PDE4D: variants seen among roughly 807,000 people sequenced by gnomAD.
PDE4D encodes the protein 3',5'-cyclic-AMP phosphodiesterase 4D.
In PDE4D, 24 loss-of-function variants were observed where a neutral mutation model predicts 87.4. The ratio of observed to expected loss-of-function variants is 0.27; its 90% CI spans 0.20 to 0.39. The LOEUF (loss-of-function observed/expected upper bound fraction) is 0.39, where lower values mean the gene tolerates loss of function less well. Ranked by LOEUF, PDE4D falls within the 10% of genes least tolerant of loss-of-function variation. The probability of loss-of-function intolerance (pLI) is 1.00; values close to 1 mark genes in which losing one functional copy is unlikely to be tolerated. For missense variants in PDE4D, 714 were observed against 1,041.0 expected (o/e 0.69, Z 4.32); for synonymous variants, 384 against 383.2 (o/e 1.00, Z -0.02).
At chr5:60,298,204 A>G (rs997619814) in intron 1 of PDE4D, among the ~76,000 whole-genome samples, 4 of 152,188 alleles carry the variant, frequency 2.6e-5, no homozygotes, top group African/African-American at 9.6e-5. Flanking sequence ...AGGTACAGAA[A>G]ATTTATTTGC....
chr5:60,416,354 G>GT (rs1258512680), intron 1 of PDE4D, among the ~76,000 whole-genome samples: 3 of 152,280 alleles, frequency 2.0e-5, no homozygotes, highest in African/African-American at 4.8e-5. Flanking sequence ...TAGAAGCTTT[G>GT]TTTTTTCACT....
chr5:59,302,806 CCA>C (rs959562019), intron 1 of PDE4D, among the ~76,000 whole-genome samples: 2 of 152,136 alleles, frequency 1.3e-5, no homozygotes, highest in Non-Finnish European at 2.9e-5. Flanking sequence ...TGGGTTAGTT[CCA>C]CAGTTTTGCA....
At chr5:60,510,586 G>A (rs955904800) in intron 1 of PDE4D, among the ~76,000 whole-genome samples, 1 of 152,150 alleles carries the variant, frequency 6.6e-6, no homozygotes, top group Non-Finnish European at 1.5e-5. Context: ...TTAGTCCTAT[G>A]GCCGGAGTAT....
At chr5:59,904,042 T>C (rs1752561529) in intron 3 of PDE4D, among the ~76,000 whole-genome samples, 1 of 152,178 alleles carries the variant, frequency 6.6e-6, no homozygotes, top group South Asian at 2.1e-4. Flanking sequence ...GATAGGACTT[T>C]GCAGAAATTA....
chr5:60,314,475 G>A (rs1007179615), intron 1 of PDE4D, among the ~76,000 whole-genome samples: 3 of 151,882 alleles, frequency 2.0e-5, no homozygotes, highest in African/African-American at 7.3e-5. Context: ...CGGACAGTAT[G>A]ATTTTATTTT....
rs116351649 is a variant in PDE4D at position 59,087,148 on chromosome 5, C to T, written c.809-48177G>A. On this transcript the variant is annotated intron_variant, in intron 5 of 14. Coordinates refer to ENST00000340635, the MANE Select transcript of PDE4D (RefSeq NM_001104631.2). ...TAAATACAAAGCCAAAATGCAGGCACATTACGCAGAAAATGCCTGTTCTTG... is the reference window on the plus strand; with the variant it reads ...TAAATACAAAGCCAAAATGCAGGCATATTACGCAGAAAATGCCTGTTCTTG... Among the ~76,000 whole-genome samples, 1,099 of 152,206 alleles carry T rather than the reference C, an allele frequency of 7.2e-3. 13 individuals carry two copies. Among genetic ancestry groups the T allele is most frequent in the African/African-American group, 0.025 (1,051 of 41,512 alleles).
intron 2 of PDE4D, among the ~76,000 whole-genome samples, chr5:60,063,307 T>A (rs1308569111): frequency 6.6e-6 from 1 of 152,138 alleles, no homozygotes; most frequent in Non-Finnish European, 1.5e-5. Flanking sequence ...TATAAATATT[T>A]ATTGAGCAAA....
chr5:59,584,858 A>C (rs753162081), intron 1 of PDE4D, among the ~76,000 whole-genome samples: 3 of 152,232 alleles, frequency 2.0e-5, no homozygotes, highest in Non-Finnish European at 2.9e-5. Flanking sequence ...AGCCTAAGGC[A>C]TAGAAGAAAA....
intron 3 of PDE4D, among the ~76,000 whole-genome samples, chr5:59,901,144 C>A (rs757937613): frequency 3.9e-5 from 6 of 152,136 alleles, no homozygotes; most frequent in Non-Finnish European, 8.8e-5. Flanking sequence ...TAACTAAGGT[C>A]AGATACTTGC....
At chr5:60,445,932 C>T (rs1302009598) in intron 1 of PDE4D, among the ~76,000 whole-genome samples, 1 of 152,034 alleles carries the variant, frequency 6.6e-6, no homozygotes, top group Admixed American at 6.6e-5. Context: ...AACCTATAGA[C>T]ACATGGATTA....
chr5:59,649,402 C>T (rs940395571), intron 1 of PDE4D, among the ~76,000 whole-genome samples: 3 of 152,090 alleles, frequency 2.0e-5, no homozygotes, highest in South Asian at 2.1e-4. Flanking sequence ...AAGAAAAACA[C>T]GTCAGCAGGG....
chr5:59,440,882 C>G (rs1302274585), intron 1 of PDE4D, among the ~76,000 whole-genome samples: 2 of 152,138 alleles, frequency 1.3e-5, no homozygotes, highest in African/African-American at 4.8e-5. Context: ...GAAGGAAAAA[C>G]AAATATCTGG....
In PDE4D at chr5:60,464,188, C is replaced by T. The variant is rs566549979; in HGVS notation, c.-90+23754G>A. On this transcript the variant is annotated intron_variant, in intron 1 of 16. Transcript: ENST00000502484. The stretch of plus-strand genomic sequence containing the variant: ...TTTGTGAAAATGAACCAAGTGTTTT[C>T]AAAGGGAAAGAAACACTGCCAGCCT... Among the ~76,000 whole-genome samples the T allele has an allele frequency of 6.6e-5, 10 of 152,098 alleles. No homozygotes were observed. The South Asian group carries it at 1.0e-3, about 16-fold the overall frequency.
At chr5:59,843,236 T>G (rs1743302667) in intron 1 of PDE4D, among the ~76,000 whole-genome samples, 1 of 152,014 alleles carries the variant, frequency 6.6e-6, no homozygotes, top group Admixed American at 6.6e-5. Context: ...AAAATACGTA[T>G]TTCAAGAATT....
intron 2 of PDE4D, among the ~76,000 whole-genome samples, chr5:60,102,643 C>T (rs1173387575): frequency 6.6e-6 from 1 of 152,082 alleles, no homozygotes; most frequent in East Asian, 1.9e-4. Flanking sequence ...AGAGGGAAGA[C>T]AGAGACTTAT....
At position 58,980,583 on chromosome 5, in the gene PDE4D, T is replaced by G. The variant is rs1744875863; in HGVS notation, c.1553-3238A>C. Among the ~76,000 whole-genome samples, 3 of 152,106 alleles carry G rather than the reference T, an allele frequency of 2.0e-5. No homozygotes were observed. In the South Asian group the frequency reaches 6.2e-4, roughly 31 times the overall value. The stretch of plus-strand genomic sequence containing the variant: ...ATCAATTGTGCTCATTTGTTACAAC[T>G]ACCCTGGATCATCAAGAATAAATTA... On this transcript the variant is annotated intron_variant, in intron 11 of 14. Coordinates refer to ENST00000340635, the MANE Select transcript of PDE4D (RefSeq NM_001104631.2).
chr5:59,358,694 A>G (rs1196044183), intron 1 of PDE4D, among the ~76,000 whole-genome samples: 1 of 151,848 alleles, frequency 6.6e-6, no homozygotes, highest in Non-Finnish European at 1.5e-5. Context: ...AGAGGGGAGG[A>G]GTCCCTAACA....
chr5:59,966,438 T>C (rs554103573), intron 3 of PDE4D, among the ~76,000 whole-genome samples: 1 of 152,322 alleles, frequency 6.6e-6, no homozygotes, highest in East Asian at 1.9e-4. Flanking sequence ...CTCAGGTGTA[T>C]AGGCCTATGT....
chr5:59,092,148 T>G (rs1768866334), intron 5 of PDE4D, among the ~76,000 whole-genome samples: 1 of 152,190 alleles, frequency 6.6e-6, no homozygotes, highest in South Asian at 2.1e-4. Flanking sequence ...TCAGAGTTCT[T>G]TATGATGTTG....
Sources: gnomAD v4.1 joint callset for allele counts (sites outside exome capture counted in the v4.1 genomes callset) on GRCh38, gnomAD v4.1.1 for gene constraint, MANE v1.5 for transcripts, NCBI Gene and HGNC (gene_info 2026-07-23, HGNC 2026-07-21) for gene names.